Variants in EIF4E observed in about 807,000 individuals in gnomAD.
The protein encoded by EIF4E is eIF-4F 25 kDa subunit.
For missense variants in EIF4E, 113 were observed against 265.6 expected, an observed-to-expected ratio of 0.43 and a Z score of 3.99; for synonymous variants, 71 against 88.5, an observed-to-expected ratio of 0.80 and a Z score of 1.11.
intron 2 of EIF4E, among the ~76,000 whole-genome samples, chr4:98,892,023 A>G (rs1275788609): frequency 1.3e-5 from 2 of 152,350 alleles, no homozygotes; most frequent in South Asian, 2.1e-4. Context: ...AAGTGCTCTG[A>G]CAGAGATAAG....
At chr4:98,908,118 T>C (rs183113607) in intron 1 of EIF4E, among the ~76,000 whole-genome samples, 1 of 152,286 alleles carries the variant, frequency 6.6e-6, no homozygotes, top group East Asian at 1.9e-4. Flanking sequence ...CTCTAAATTA[T>C]TGTCCTGGCT....
At chr4:98,928,747 C>T (rs1309051435) in intron 1 of EIF4E, 10 of 1,136,848 alleles carry the variant, frequency 8.8e-6, no homozygotes, top group African/African-American at 1.6e-5. Context: ...TGGGAGCCGG[C>T]CCTGCGCCTT....
chr4:98,887,206 AGAC>A lies in EIF4E; in HGVS notation c.286-17_286-15del. ...CTCAATACCATCCTACAGGGTTAGAAGACAACAGTATTACACAACATTGTTACC... is the reference window on the plus strand; with the variant it reads ...CTCAATACCATCCTACAGGGTTAGAAAACAGTATTACACAACATTGTTACC... On this transcript the variant is annotated splice_polypyrimidine_tract_variant and intron_variant, in intron 4 of 6. Transcript: ENST00000450253. This position sits in a 1 kb window ranked among gnomAD's most constrained non-coding sequence, Gnocchi z 4.0. 6.2e-7 allele frequency: 1 copy of A among 1,611,174 alleles called. No homozygotes were observed. Among genetic ancestry groups the A allele is most frequent in the East Asian group, 2.2e-5 (1 of 44,844 alleles).
intron 1 of EIF4E, chr4:98,903,413 C>T (rs772935878): frequency 4.4e-6 from 2 of 452,262 alleles, no homozygotes; most frequent in South Asian, 3.1e-5. Flanking sequence ...TCACTCATAG[C>T]TCACTGCAGC....
At chr4:98,907,559 C>A (rs1724925868) in intron 1 of EIF4E, among the ~76,000 whole-genome samples, 1 of 152,208 alleles carries the variant, frequency 6.6e-6, no homozygotes, top group African/African-American at 2.4e-5. Context: ...CAGGCTCTGA[C>A]TTCACTACTA....
chr4:98,885,122 T>C lies in EIF4E; in HGVS notation c.400-61A>G. On this transcript the variant is annotated intron_variant, in intron 5 of 6. Coordinates refer to ENST00000450253, the MANE Select transcript of EIF4E (RefSeq NM_001968.5). ...ATAAACAAGCTCATTACACTGCAAA[T>C]GTCTCTTCTGTATTTGCATAGAAAC... is the stretch of plus-strand genomic sequence containing the variant. 5 of 1,557,528 alleles carry C rather than the reference T, an allele frequency of 3.2e-6. No homozygotes were observed. The South Asian group carries it at 4.7e-5, about 15-fold the overall frequency.
At chr4:98,909,831 C>G in intron 1 of EIF4E, 1 of 697,046 alleles carries the variant, frequency 1.4e-6, no homozygotes, top group African/African-American at 1.8e-5. Flanking sequence ...TAATTTGTCT[C>G]AGGACAGGAT....
chr4:98,911,023 C>T (rs1310852385), intron 1 of EIF4E, among the ~76,000 whole-genome samples: 3 of 151,598 alleles, frequency 2.0e-5, no homozygotes, highest in Non-Finnish European at 2.9e-5. Context: ...CATGAGCCAC[C>T]GCACCAGGCC....
At chr4:98,918,360 G>GA (rs528302113) in intron 1 of EIF4E, among the ~76,000 whole-genome samples, 3,300 of 99,774 alleles carry the variant, frequency 0.033, 111 homozygotes, top group African/African-American at 0.1. Context: ...CTCCGTCTTG[G>GA]AAAAAAAAAA....
intron 6 of EIF4E, among the ~76,000 whole-genome samples, chr4:98,882,371 TG>T (rs1723734530): frequency 7.8e-6 from 1 of 128,874 alleles, no homozygotes; most frequent in Admixed American, 9.7e-5. Flanking sequence ...CACTCCAGCC[TG>T]GGTGACAGAG....
chr4:98,911,817 T>C (rs1267285307), intron 1 of EIF4E, among the ~76,000 whole-genome samples: 1 of 150,888 alleles, frequency 6.6e-6, no homozygotes, highest in African/African-American at 2.4e-5. Context: ...ACATCACAAA[T>C]TCAGTCTGGG....
chr4:98,899,755 C>T (rs751198800), intron 2 of EIF4E, among the ~76,000 whole-genome samples: 3 of 151,994 alleles, frequency 2.0e-5, no homozygotes, highest in Admixed American at 6.6e-5. Context: ...ACTGTATAGA[C>T]GTATGTATTA....
intron 1 of EIF4E, among the ~76,000 whole-genome samples, chr4:98,917,568 T>C (rs753619397): frequency 6.6e-5 from 10 of 152,198 alleles, no homozygotes; most frequent in Non-Finnish European, 1.0e-4. Flanking sequence ...TCTAGCTTTT[T>C]AGTTTTTTCA....
intron 1 of EIF4E, among the ~76,000 whole-genome samples, chr4:98,919,090 T>C (rs767096985): frequency 7.9e-5 from 12 of 152,084 alleles, no homozygotes; most frequent in Non-Finnish European, 1.6e-4. Flanking sequence ...AGGCAGATCA[T>C]GAGGTCAAGA....
At chr4:98,908,665 T>C (rs1424829627) in intron 1 of EIF4E, among the ~76,000 whole-genome samples, 1 of 152,230 alleles carries the variant, frequency 6.6e-6, no homozygotes, top group Non-Finnish European at 1.5e-5. Flanking sequence ...TATGAGTTTT[T>C]ACTTGATAGG....
At chr4:98,882,534 T>C (rs1332819817) in intron 6 of EIF4E, among the ~76,000 whole-genome samples, 2 of 144,898 alleles carry the variant, frequency 1.4e-5, no homozygotes, top group Non-Finnish European at 3.0e-5. Flanking sequence ...TAGGATAGGT[T>C]TTTTTTATAC....
chr4:98,879,749 G>A lies in EIF4E; in HGVS notation c.*1279C>T, dbSNP rs1485737575. On this transcript the variant is annotated 3_prime_UTR_variant, in exon 7 of 7. Transcript: ENST00000450253. ...CCACTGTTGCTACCAATCAAATGGT[G>A]ATGCATCAGATCCCAATTCTCATGA... 1 of 152,054 alleles carries A rather than the reference G, an allele frequency of 6.6e-6. No homozygotes were observed. The highest frequency in any genetic ancestry group is 1.5e-5 in the Non-Finnish European group (1 of 67,984). The allele number at this position is 152,054 out of a possible 1,614,324, so 9.4% of individuals were successfully genotyped here.
At chr4:98,888,667 G>C (rs957798337) in intron 3 of EIF4E, among the ~76,000 whole-genome samples, 2 of 152,098 alleles carry the variant, frequency 1.3e-5, no homozygotes, top group African/African-American at 4.8e-5. Context: ...AAGGTAGGAG[G>C]CTTAGATCAT....
At chr4:98,905,487 A>C (rs1436351821) in intron 1 of EIF4E, among the ~76,000 whole-genome samples, 3 of 152,178 alleles carry the variant, frequency 2.0e-5, no homozygotes, top group Non-Finnish European at 4.4e-5. Flanking sequence ...TGGCTGAAAG[A>C]GAGGGTTCAT....
Sources: gnomAD v4.1 joint callset for allele counts (sites outside exome capture counted in the v4.1 genomes callset) on GRCh38, gnomAD v4.1.1 for gene constraint, Gnocchi (gnomAD v3.1) non-coding constraint, MANE v1.5 for transcripts, NCBI Gene and HGNC (gene_info 2026-07-23, HGNC 2026-07-21) for gene names.